ENTHD1: variants seen among roughly 807,000 people sequenced by gnomAD.
ENTHD1 encodes ENTH domain-containing protein 1.
A neutral mutation model predicts 39.1 loss-of-function variants in ENTHD1; 23 were observed. That is an observed-to-expected ratio of 0.59 (90% confidence interval 0.42 to 0.83). The LOEUF (loss-of-function observed/expected upper bound fraction) is 0.83. ENTHD1 is among the 40% of genes least tolerant of loss of function. The pLI, the probability that ENTHD1 is intolerant of heterozygous loss-of-function variation, is 0.00. For missense variants in ENTHD1, 624 were observed against 705.4 expected, an observed-to-expected ratio of 0.88 and a Z score of 1.31; for synonymous variants, 230 against 258.2, an observed-to-expected ratio of 0.89 and a Z score of 1.05.
At chr22:39,803,396 C>T (rs1289110077) in intron 5 of ENTHD1, among the ~76,000 whole-genome samples, 1 of 152,102 alleles carries the variant, frequency 6.6e-6, no homozygotes, top group African/African-American at 2.4e-5. Flanking sequence ...AAAGTTGTTG[C>T]TCCCATCATT....
intron 3 of ENTHD1, among the ~76,000 whole-genome samples, chr22:39,845,947 G>C (rs1447917022): frequency 1.3e-5 from 2 of 151,304 alleles, no homozygotes; most frequent in African/African-American, 4.9e-5. Flanking sequence ...AATCAAAATA[G>C]GGTGGTTCTG....
At chr22:39,808,359 A>G (rs1187912645) in intron 5 of ENTHD1, among the ~76,000 whole-genome samples, 1 of 152,242 alleles carries the variant, frequency 6.6e-6, no homozygotes, top group African/African-American at 2.4e-5. Flanking sequence ...TGGAAGCTGC[A>G]TAAAGGCAGG....
intron 3 of ENTHD1, among the ~76,000 whole-genome samples, chr22:39,851,714 C>T (rs2066041753): frequency 6.6e-6 from 1 of 152,272 alleles, no homozygotes; most frequent in Admixed American, 6.5e-5. Context: ...TGCTCTTAAG[C>T]AACTCAACCC....
intron 5 of ENTHD1, among the ~76,000 whole-genome samples, chr22:39,810,622 C>G (rs1349222204): frequency 6.6e-6 from 1 of 152,184 alleles, no homozygotes; most frequent in South Asian, 2.1e-4. Flanking sequence ...TGATTCTTAC[C>G]ACATTCCAGT....
chr22:39,746,664 G>A (rs185399508), intron 6 of ENTHD1, among the ~76,000 whole-genome samples: 22 of 152,252 alleles, frequency 1.4e-4, no homozygotes, highest in African/African-American at 5.3e-4. Context: ...TTTCCTCTAG[G>A]CCAGTTAGGT....
intron 5 of ENTHD1, among the ~76,000 whole-genome samples, chr22:39,766,297 G>T (rs1046673347): frequency 6.6e-6 from 1 of 152,054 alleles, no homozygotes; most frequent in Non-Finnish European, 1.5e-5. Context: ...ACATAAAATA[G>T]TCCCTAGAAT....
chr22:39,821,408 G>A (rs1168644478), intron 4 of ENTHD1, among the ~76,000 whole-genome samples: 1 of 152,058 alleles, frequency 6.6e-6, no homozygotes, highest in Non-Finnish European at 1.5e-5. Context: ...TATCTCAGAG[G>A]CCAATTATCT....
chr22:39,878,291 A>T (rs1032133044), intron 2 of ENTHD1, among the ~76,000 whole-genome samples: 1 of 152,190 alleles, frequency 6.6e-6, no homozygotes, highest in African/African-American at 2.4e-5. Flanking sequence ...AACAACAATA[A>T]CAAGAACAGA....
At chr22:39,835,793 A>C in intron 4 of ENTHD1, 47 bp downstream of exon 4, 1 of 1,394,598 alleles carries the variant, frequency 7.2e-7, no homozygotes, top group Non-Finnish European at 1.0e-6. Context: ...TAAGGCACAA[A>C]ACTTGCAGTG....
intron 5 of ENTHD1, among the ~76,000 whole-genome samples, chr22:39,797,588 A>T (rs2065560900): frequency 6.6e-6 from 1 of 152,060 alleles, no homozygotes; most frequent in South Asian, 2.1e-4. Context: ...TTTTGCTTCC[A>T]GGTGTAGGAC....
In ENTHD1 at chr22:39,835,855, A is replaced by G. The variant is rs116765273; in HGVS notation, c.696T>C (p.Gly232=). The G allele has an allele frequency of 8.7e-6, 14 of 1,607,638 alleles. No homozygotes were observed. In the African/African-American group the frequency reaches 1.6e-4, roughly 18 times the overall value. ...SQETLPLKIH[G]WKSTEDLMTF... The stretch of plus-strand genomic sequence containing the variant: ...ATAGACTTACCTCTGTTGATTTCCA[A>G]CCATGAATCTTGAGTGGAAGTGTTT... Residue 232 remains glycine (G), a synonymous_variant, in exon 4 of 7, where the codon GGT becomes GGC. Coordinates refer to ENST00000325157, the MANE Select transcript of ENTHD1 (RefSeq NM_152512.4).
intron 4 of ENTHD1, among the ~76,000 whole-genome samples, chr22:39,832,619 A>G (rs1421264065): frequency 2.0e-5 from 3 of 152,194 alleles, no homozygotes; most frequent in African/African-American, 4.8e-5. Flanking sequence ...AGTAGATACT[A>G]TGTCTGAGAA....
rs185656513 is a variant in ENTHD1 at position 39,772,908 on chromosome 22, G to T, written c.833-7299C>A. ...AGGGATATTTCATAATGACAAAAGG[G>T]CCAATCATCTGGAAGACACAAACAT... On this transcript the variant is annotated intron_variant, in intron 5 of 6. Coordinates refer to ENST00000325157, the MANE Select transcript of ENTHD1 (RefSeq NM_152512.4). Among the ~76,000 whole-genome samples the T allele has an allele frequency of 4.6e-5, 7 of 151,968 alleles. No individual in the cohort carries two copies. The East Asian group carries it at 9.7e-4, about 21-fold the overall frequency.
At position 39,782,853 on chromosome 22, in the gene ENTHD1, C is replaced by T. The variant is rs575285978; in HGVS notation, c.833-17244G>A. 3.3e-5 allele frequency among the ~76,000 whole-genome samples: 5 copies of T among 152,204 alleles called. No individual in the cohort carries two copies. In the South Asian group the frequency reaches 1.0e-3, roughly 32 times the overall value. Reference sequence around the variant, plus strand: ...GAACAGGGAAAAATTGAAGGCCTTACCTCTAAGATCTGGAACAAGATAAGA... The same window carrying T: ...GAACAGGGAAAAATTGAAGGCCTTATCTCTAAGATCTGGAACAAGATAAGA... On this transcript the variant is annotated intron_variant, in intron 5 of 6. Transcript: ENST00000325157.
intron 4 of ENTHD1, among the ~76,000 whole-genome samples, chr22:39,824,201 CTTTTTTTT>C (rs71197195): frequency 2.8e-5 from 2 of 71,442 alleles, no homozygotes; most frequent in East Asian, 4.7e-4. Flanking sequence ...TTGTCCAGTT[CTTTTTTTT>C]TTTTTTTTTT....
intron 2 of ENTHD1, among the ~76,000 whole-genome samples, chr22:39,871,172 A>AAAATAAATAAATAAATAAAT (rs58727605): frequency 3.5e-5 from 5 of 141,218 alleles, no homozygotes; most frequent in East Asian, 4.2e-4. Flanking sequence ...CCCATCTTCT[A>AAAATAAATAAATAAATAAAT]AAATAAATAA....
intron 5 of ENTHD1, among the ~76,000 whole-genome samples, chr22:39,779,647 G>T (rs898716851): frequency 1.3e-5 from 2 of 152,060 alleles, no homozygotes; most frequent in African/African-American, 2.4e-5. Flanking sequence ...TAACTGTGTT[G>T]TGAAATCCAC....
intron 6 of ENTHD1, among the ~76,000 whole-genome samples, chr22:39,756,168 G>A (rs974654425): frequency 2.6e-5 from 4 of 152,116 alleles, no homozygotes; most frequent in Non-Finnish European, 4.4e-5. Context: ...CTCCGTCATG[G>A]AGCCAAGCCA....
intron 2 of ENTHD1, among the ~76,000 whole-genome samples, chr22:39,863,012 A>T (rs2066155495): frequency 6.6e-6 from 1 of 152,186 alleles, no homozygotes; most frequent in Non-Finnish European, 1.5e-5. Context: ...CTTCCAGAGG[A>T]TGCAGCATCA....
Sources: gnomAD v4.1 joint callset for allele counts (sites outside exome capture counted in the v4.1 genomes callset) on GRCh38, gnomAD v4.1.1 for gene constraint, MANE v1.5 for transcripts, NCBI Gene and HGNC (gene_info 2026-07-23, HGNC 2026-07-21) for gene names.